Variants in BCL2L12 observed in about 807,000 individuals in gnomAD.
BCL2L12 encodes the protein bcl-2-like protein 12.
Under a neutral mutation model 25.7 loss-of-function variants are expected in BCL2L12, and 27 were observed. The observed-to-expected ratio is 1.05, with a 90% CI of 0.78 to 1.45. The LOEUF is 1.45. Among genes scored for constraint, BCL2L12 ranks in the 40% most tolerant of loss-of-function variants. BCL2L12 has a pLI of 0.00. For synonymous variants in BCL2L12, 132 were observed against 145.6 expected, an observed-to-expected ratio of 0.91 and a Z score of 0.67; for missense variants, 302 against 329.8, an observed-to-expected ratio of 0.92 and a Z score of 0.65.
At position 49,670,203 on chromosome 19, in the gene BCL2L12, T is replaced by C. The variant is rs760699298; in HGVS notation, c.430-13T>C. The C allele has an allele frequency of 6.2e-7, 1 of 1,600,260 alleles. No homozygotes were observed. The highest frequency in any genetic ancestry group is 1.1e-5 in the South Asian group (1 of 90,568). Reference sequence around the variant, plus strand: ...GCGCTGCTGACGCGGACCCTGCCTCTTCCACCCTACAGCTGGCCTCGGACC... The same window carrying C: ...GCGCTGCTGACGCGGACCCTGCCTCCTCCACCCTACAGCTGGCCTCGGACC... On this transcript the variant is annotated splice_polypyrimidine_tract_variant and intron_variant, in intron 5 of 6. Transcript: ENST00000246784.
In BCL2L12 at chr19:49,670,446, C is replaced by T. The variant is rs543917841; in HGVS notation, c.660C>T (p.His220=). Residue 220 remains histidine (H), a synonymous_variant, in exon 6 of 7, where the codon CAC becomes CAT. Coordinates refer to ENST00000246784, the MANE Select transcript of BCL2L12 (RefSeq NM_138639.2). ...GGTLAGLSVE[H]VHSFTPWIQA... ...CCCTGGCCGGACTCAGCGTGGAGCACGTGCACAGCTTCACGCCCTGGATCC... is the reference window on the plus strand; with the variant it reads ...CCCTGGCCGGACTCAGCGTGGAGCATGTGCACAGCTTCACGCCCTGGATCC... 1.5e-5 allele frequency: 23 copies of T among 1,538,916 alleles called. No homozygotes were observed. The African/African-American group carries it at 1.7e-4, about 11-fold the overall frequency.
In BCL2L12 at chr19:49,665,994, A is replaced by T. The variant is rs370560242; in HGVS notation, c.-82A>T. ...TGCGCAGGCGCGGGAAAGTTGAACT[A>T]ATAAAGTTTGTACGAGTTCAGTGGA... On this transcript the variant is annotated 5_prime_UTR_variant, in exon 1 of 7. Transcript: ENST00000246784. The T allele has an allele frequency of 6.2e-7, 1 of 1,605,894 alleles. No homozygotes were observed. Among genetic ancestry groups the T allele is most frequent in the South Asian group, 1.1e-5 (1 of 90,310 alleles).
In BCL2L12 at chr19:49,672,079, C is replaced by G. The variant is rs2081971486; in HGVS notation, c.702+1591C>G. 1 of 152,476 alleles carries G rather than the reference C, an allele frequency of 6.6e-6. No homozygotes were observed. Among genetic ancestry groups the G allele is most frequent in the Non-Finnish European group, 1.5e-5 (1 of 68,074 alleles). 9.4% of individuals were successfully genotyped at this position (152,476 alleles called of 1,614,324 possible). A position where few individuals can be genotyped will look rare whatever the true frequency, so the allele number is the denominator to read the frequency against. ...AGCTTCAGGAGACCCAGAAGTCTTC[C>G]CCTCTCCTTTTCTTACTTTATCTCC... is the stretch of plus-strand genomic sequence containing the variant. On this transcript the variant is annotated intron_variant, in intron 6 of 6. Transcript: ENST00000246784. The surrounding 1 kb of genome is among the most constrained non-coding windows in gnomAD (Gnocchi z 4.1).
intron 3 of BCL2L12, 35 bp downstream of exon 3, chr19:49,667,196 A>G (rs761628355): frequency 6.2e-7 from 1 of 1,603,996 alleles, no homozygotes; most frequent in Admixed American, 1.7e-5. Context: ...TGAAGCCGGC[A>G]GAACACGGGA....
chr19:49,665,830 C>CGGCCCGCTGGGCT (rs750051880), upstream of BCL2L12: 3 of 1,590,478 alleles, frequency 1.9e-6, no homozygotes, highest in African/African-American at 1.3e-5. Flanking sequence ...GCCGATGGGA[C>CGGCCCGCTGGGCT]GGCCCGCTGG....
intron 6 of BCL2L12, among the ~76,000 whole-genome samples, chr19:49,673,089 C>T (rs1490262999): frequency 6.6e-6 from 1 of 152,214 alleles, no homozygotes; most frequent in Non-Finnish European, 1.5e-5. Flanking sequence ...TGGTCTCGAA[C>T]TCTTGGCCTC....
chr19:49,667,275 A>G, intron 3 of BCL2L12, 114 bp downstream of exon 3: 1 of 1,448,478 alleles, frequency 6.9e-7, no homozygotes, highest in East Asian at 2.3e-5. Context: ...AGCCTTCAGG[A>G]CAGAACCGTC....
intron 3 of BCL2L12, among the ~76,000 whole-genome samples, 199 bp from the exon 4 acceptor site, chr19:49,668,652 T>C (rs2081880327): frequency 6.6e-6 from 1 of 152,090 alleles, no homozygotes. Context: ...TAGCCAGGTA[T>C]GGCGGCGTGC....
At chr19:49,673,443 T>A (rs1304508024) in intron 6 of BCL2L12, among the ~76,000 whole-genome samples, 2 of 152,116 alleles carry the variant, frequency 1.3e-5, no homozygotes, top group Admixed American at 1.3e-4. Context: ...CTTCACTCTC[T>A]CTGGATCTCT....
At chr19:49,673,647 T>C in intron 6 of BCL2L12, 51 bp from the exon 7 acceptor site, 1 of 1,472,014 alleles carries the variant, frequency 6.8e-7, no homozygotes, top group Non-Finnish European at 9.5e-7. Flanking sequence ...CGCTGCTGTA[T>C]GGGGGGAACA....
intron 6 of BCL2L12, among the ~76,000 whole-genome samples, chr19:49,671,467 T>A (rs565521691): frequency 4.6e-5 from 7 of 152,088 alleles, no homozygotes; most frequent in South Asian, 2.1e-4. Context: ...TAAATAAAAA[T>A]TTTTAAAATT....
intron 6 of BCL2L12, among the ~76,000 whole-genome samples, chr19:49,673,129 G>T (rs181223360): frequency 2.9e-4 from 44 of 152,126 alleles, no homozygotes; most frequent in African/African-American, 1.1e-3. Flanking sequence ...GCCTCCCAAA[G>T]TGCTGGAATT....
At chr19:49,665,539 G>C, upstream of BCL2L12, 1 of 381,678 alleles carries the variant, frequency 2.6e-6, no homozygotes, top group Non-Finnish European at 4.8e-6. Flanking sequence ...AGAGTACACA[G>C]CCTGCCTTTC....
intron 5 of BCL2L12, among the ~76,000 whole-genome samples, chr19:49,669,861 G>A (rs1297644852): frequency 5.3e-5 from 8 of 152,046 alleles, no homozygotes; most frequent in Non-Finnish European, 1.2e-4. Context: ...AAGGTACATC[G>A]TCCTTTAATA....
intron 1 of BCL2L12, 98 bp downstream of exon 1, chr19:49,666,165 G>A (rs1443189309): frequency 1.4e-5 from 19 of 1,405,072 alleles, no homozygotes; most frequent in Admixed American, 2.6e-5. Context: ...GATATCCAAG[G>A]GTCCAGGGTC....
At chr19:49,670,135 C>G in intron 5 of BCL2L12, 81 bp from the exon 6 acceptor site, 1 of 1,519,436 alleles carries the variant, frequency 6.6e-7, no homozygotes, top group Non-Finnish European at 8.8e-7. Context: ...GATCCTGAAC[C>G]GGGAAGCCAC....
At chr19:49,668,159 G>A (rs374736319) in intron 3 of BCL2L12, among the ~76,000 whole-genome samples, 103 of 145,044 alleles carry the variant, frequency 7.1e-4, no homozygotes, top group African/African-American at 2.5e-3. Context: ...GCAATGGCCC[G>A]ATCTCGGCTC....
intron 1 of BCL2L12, 86 bp downstream of exon 1, chr19:49,666,153 C>A: frequency 6.8e-7 from 1 of 1,460,610 alleles, no homozygotes; most frequent in Non-Finnish European, 9.2e-7. Flanking sequence ...TCCCGCTTCT[C>A]TGATATCCAA....
At chr19:49,670,565 T>C in intron 6 of BCL2L12, 77 bp downstream of exon 6, 1 of 1,494,066 alleles carries the variant, frequency 6.7e-7, no homozygotes, top group Non-Finnish European at 8.9e-7. Flanking sequence ...GGGGACTTCT[T>C]AGGTTCCTCT....
Sources: gnomAD v4.1 joint callset for allele counts (sites outside exome capture counted in the v4.1 genomes callset) on GRCh38, gnomAD v4.1.1 for gene constraint, Gnocchi (gnomAD v3.1) non-coding constraint, MANE v1.5 for transcripts, NCBI Gene and HGNC (gene_info 2026-07-23, HGNC 2026-07-21) for gene names.